DGKI: variants seen among roughly 807,000 people sequenced by gnomAD.
The protein encoded by DGKI is diacylglycerol kinase iota.
Under a neutral mutation model 147.5 loss-of-function variants are expected in DGKI, and 55 were observed. The ratio of observed to expected loss-of-function variants is 0.37; its 90% CI spans 0.30 to 0.47. The LOEUF (loss-of-function observed/expected upper bound fraction) is 0.47. Ranked by LOEUF, DGKI falls within the 20% of genes least tolerant of loss-of-function variation. The pLI, the probability that DGKI is intolerant of heterozygous loss-of-function variation, is 1.00. For missense variants in DGKI, 1,007 were observed against 1,323.8 expected (o/e 0.76, Z 3.71); for synonymous variants, 469 against 477.1 (o/e 0.98, Z 0.22).
intron 23 of DGKI, among the ~76,000 whole-genome samples, chr7:137,483,653 G>A (rs928052685): frequency 6.6e-6 from 1 of 151,966 alleles, no homozygotes; most frequent in Non-Finnish European, 1.5e-5. Context: ...GTGTCCATGT[G>A]TTCTCATTGT....
chr7:137,457,728 C>T (rs893802260), intron 27 of DGKI, among the ~76,000 whole-genome samples: 1 of 152,066 alleles, frequency 6.6e-6, no homozygotes, highest in Non-Finnish European at 1.5e-5. Context: ...GGTTGAACTA[C>T]CATTGAATGT....
intron 1 of DGKI, among the ~76,000 whole-genome samples, chr7:137,737,586 A>G (rs1795059978): frequency 6.6e-6 from 1 of 152,052 alleles, no homozygotes; most frequent in Admixed American, 6.6e-5. Context: ...TGGAACCCAG[A>G]ACCTCTTACT....
intron 1 of DGKI, among the ~76,000 whole-genome samples, chr7:137,736,903 T>C (rs1795038657): frequency 6.6e-6 from 1 of 152,112 alleles, no homozygotes; most frequent in African/African-American, 2.4e-5. Context: ...TTTTTCTTTT[T>C]CATATCTACC....
At chr7:137,837,217 C>T (rs925616744) in intron 1 of DGKI, among the ~76,000 whole-genome samples, 1 of 152,226 alleles carries the variant, frequency 6.6e-6, no homozygotes, top group Non-Finnish European at 1.5e-5. Flanking sequence ...TATTTAGCAG[C>T]TCTTGACACA....
chr7:137,621,604 A>G (rs1033593003), intron 7 of DGKI, among the ~76,000 whole-genome samples: 1 of 152,198 alleles, frequency 6.6e-6, no homozygotes, highest in African/African-American at 2.4e-5. Flanking sequence ...AATCTTTTGT[A>G]CCTATTATCC....
intron 15 of DGKI, 40 bp from the exon 16 acceptor site, chr7:137,578,365 C>T (rs370984915): frequency 4.3e-5 from 64 of 1,493,220 alleles, no homozygotes; most frequent in Non-Finnish European, 5.7e-5. Flanking sequence ...GGAGACCTCA[C>T]TAAAGGTAGC....
In DGKI at chr7:137,384,362, AT is replaced by A. The variant is rs1484244675; in HGVS notation, c.*6857del. ...ACTTTTTGATTTCACATTCTCCCTT[AT>A]TTCTAACTCATTCTTTCCGTGGAAA... On this transcript the variant is annotated 3_prime_UTR_variant, in exon 33 of 33. Transcript: ENST00000614521. The A allele has an allele frequency of 6.6e-6, 1 of 151,044 alleles. No individual in the cohort carries two copies. Among genetic ancestry groups the A allele is most frequent in the African/African-American group, 2.4e-5 (1 of 41,158 alleles). 9.4% of individuals were successfully genotyped at this position (151,044 alleles called of 1,614,324 possible). A position where few individuals can be genotyped will look rare whatever the true frequency, so the allele number is the denominator to read the frequency against.
intron 2 of DGKI, among the ~76,000 whole-genome samples, chr7:137,681,118 G>A (rs758704641): frequency 1.3e-5 from 2 of 152,174 alleles, no homozygotes; most frequent in South Asian, 2.1e-4. Context: ...TGGTAGGAGT[G>A]CACCATCCAC....
chr7:137,430,885 C>T (rs887362901), intron 28 of DGKI, among the ~76,000 whole-genome samples: 4 of 151,942 alleles, frequency 2.6e-5, no homozygotes, highest in Non-Finnish European at 4.4e-5. Flanking sequence ...TGAGAGAACC[C>T]CATTCAGGAC....
intron 30 of DGKI, among the ~76,000 whole-genome samples, chr7:137,398,660 ATGT>A (rs1475095763): frequency 3.3e-5 from 5 of 152,010 alleles, no homozygotes; most frequent in Non-Finnish European, 7.4e-5. Flanking sequence ...CATAACAGAG[ATGT>A]TATGGGATTT....
At chr7:137,673,807 A>G (rs1822935162) in intron 3 of DGKI, among the ~76,000 whole-genome samples, 1 of 152,190 alleles carries the variant, frequency 6.6e-6, no homozygotes, top group Non-Finnish European at 1.5e-5. Flanking sequence ...AGGGATTACT[A>G]CTGGAGGGGT....
At chr7:137,631,570 G>C (rs1585306717) in intron 6 of DGKI, among the ~76,000 whole-genome samples, 1 of 152,224 alleles carries the variant, frequency 6.6e-6, no homozygotes, top group East Asian at 1.9e-4. Context: ...GGGAGAGAGT[G>C]GGGGACTGGA....
chr7:137,486,964 G>A (rs1815586059), intron 22 of DGKI, among the ~76,000 whole-genome samples: 1 of 152,016 alleles, frequency 6.6e-6, no homozygotes, highest in African/African-American at 2.4e-5. Context: ...TTTGTGGAAT[G>A]GAGACGGTTA....
intron 6 of DGKI, among the ~76,000 whole-genome samples, chr7:137,644,935 C>T (rs140686381): frequency 1.6e-4 from 24 of 152,290 alleles, no homozygotes; most frequent in African/African-American, 5.5e-4. Context: ...CCAAGTGGCA[C>T]TGCATCCTGA....
At chr7:137,718,255 T>C (rs1179367081) in intron 1 of DGKI, among the ~76,000 whole-genome samples, 1 of 152,200 alleles carries the variant, frequency 6.6e-6, no homozygotes, top group Non-Finnish European at 1.5e-5. Context: ...TGGTTGTTAT[T>C]GTTATTGGAC....
intron 1 of DGKI, among the ~76,000 whole-genome samples, chr7:137,798,343 G>T (rs1448655356): frequency 6.6e-6 from 1 of 152,126 alleles, no homozygotes; most frequent in Non-Finnish European, 1.5e-5. Context: ...TACTCTACGT[G>T]GCCAGTATTA....
In DGKI at chr7:137,552,195, TAAAC is replaced by T. The variant is rs1357968576; in HGVS notation, c.2147+170_2147+173del. On this transcript the variant is annotated intron_variant, in intron 20 of 32. Coordinates refer to ENST00000614521, the MANE Select transcript of DGKI (RefSeq NM_001321708.2). ...AAAAGAAGGGCATGGAACTGTATAATAAACAAGGAGAAAAAAACTCTATGTGTTC... is the reference window on the plus strand; with the variant it reads ...AAAAGAAGGGCATGGAACTGTATAATAAGGAGAAAAAAACTCTATGTGTTC... Among the ~76,000 whole-genome samples, 4 of 152,138 alleles carry T rather than the reference TAAAC, an allele frequency of 2.6e-5. No homozygotes were observed. In the East Asian group the frequency reaches 7.7e-4, roughly 29 times the overall value.
At chr7:137,611,524 G>A (rs1187448857) in intron 8 of DGKI, among the ~76,000 whole-genome samples, 1 of 152,144 alleles carries the variant, frequency 6.6e-6, no homozygotes, top group Non-Finnish European at 1.5e-5. Flanking sequence ...TATACGTCTG[G>A]TATGGACTCT....
At chr7:137,798,557 C>A (rs1239115894) in intron 1 of DGKI, among the ~76,000 whole-genome samples, 1 of 151,956 alleles carries the variant, frequency 6.6e-6, no homozygotes, top group Non-Finnish European at 1.5e-5. Flanking sequence ...GAGTAGCTGG[C>A]CACAGGTGTG....
Sources: allele counts gnomAD v4.1 joint callset (sites outside exome capture counted in the v4.1 genomes callset), GRCh38; gene constraint gnomAD v4.1.1; transcripts MANE v1.5; gene names NCBI Gene and HGNC (gene_info 2026-07-23, HGNC 2026-07-21).